Variants in AKAP9 observed in about 807,000 individuals in gnomAD.
AKAP9 encodes the protein A-kinase anchoring protein 9.
A neutral mutation model predicts 488.5 loss-of-function variants in AKAP9; 311 were observed. That is an observed-to-expected ratio of 0.64 (90% CI 0.58 to 0.70). AKAP9 has a LOEUF of 0.70. Ranked by LOEUF, AKAP9 falls within the 30% of genes least tolerant of loss-of-function variation. The probability of loss-of-function intolerance (pLI) is 0.00; values close to 1 mark genes in which losing one functional copy is unlikely to be tolerated. For synonymous variants in AKAP9, 1,462 were observed against 1,483.5 expected (o/e 0.99, Z 0.33); for missense variants, 4,215 against 4,374.5 (o/e 0.96, Z 1.03).
chr7:92,004,219 G>C (rs1235294435), intron 8 of AKAP9, among the ~76,000 whole-genome samples: 2 of 152,198 alleles, frequency 1.3e-5, no homozygotes, highest in African/African-American at 2.4e-5. Flanking sequence ...TTGTAGTATA[G>C]TTTGAAGTCA....
chr7:92,085,963 C>T (rs1166309954), intron 36 of AKAP9, among the ~76,000 whole-genome samples: 5 of 151,798 alleles, frequency 3.3e-5, no homozygotes, highest in East Asian at 1.9e-4. Flanking sequence ...ATTAGCCAGG[C>T]GTGGTGGTGG....
chr7:91,946,398 T>TA (rs1791456962), intron 1 of AKAP9, among the ~76,000 whole-genome samples: 1 of 151,416 alleles, frequency 6.6e-6, no homozygotes, highest in African/African-American at 2.4e-5. Flanking sequence ...CTTCAGGCTT[T>TA]TTTTTTTTTT....
intron 8 of AKAP9, among the ~76,000 whole-genome samples, chr7:92,010,529 G>A (rs1800585785): frequency 6.6e-6 from 1 of 152,200 alleles, no homozygotes; most frequent in Admixed American, 6.5e-5. Context: ...GTCTGAGTAC[G>A]TTATTCATCT....
chr7:92,042,176 C>A lies in AKAP9; in HGVS notation c.5048C>A (p.Thr1683Lys). 12 of 1,613,784 alleles carry A rather than the reference C, an allele frequency of 7.4e-6. No individual in the cohort carries two copies. Among genetic ancestry groups the A allele is most frequent in the Non-Finnish European group, 1.0e-5 (12 of 1,179,790 alleles). ...TGTTGTGAGCTGCGCAACAGCAGTA[C>A]GCAAACACAGGTAGTATGGACTTTG... ...KLCCELRNSS[T>K]QTQNGNENQG... The change falls in exon 19 of 50, where the codon ACG (threonine) becomes AAG (lysine). Residue 1683 changes from threonine (T) to lysine (K), a missense_variant. This residue lies in a region of AKAP9 where 2,361 missense variants were observed against 2,430.0 expected (regional missense o/e 0.97). Coordinates refer to ENST00000356239, the MANE Select transcript of AKAP9 (RefSeq NM_005751.5).
At chr7:91,983,540 G>A (rs1287820327) in intron 3 of AKAP9, among the ~76,000 whole-genome samples, 2 of 152,202 alleles carry the variant, frequency 1.3e-5, no homozygotes, top group East Asian at 1.9e-4. Flanking sequence ...ATAGTAGCAT[G>A]ATTTATAATC....
At chr7:92,041,722 A>G in intron 18 of AKAP9, 2 of 259,046 alleles carry the variant, frequency 7.7e-6, no homozygotes, top group South Asian at 9.7e-5. Flanking sequence ...TTGGGAGCTG[A>G]GCATAAAACA....
chr7:91,998,593 T>G (rs911576100), intron 7 of AKAP9, among the ~76,000 whole-genome samples: 3 of 151,948 alleles, frequency 2.0e-5, no homozygotes, highest in Non-Finnish European at 4.4e-5. Flanking sequence ...TTGGACAATT[T>G]TGAATTAAAT....
intron 7 of AKAP9, among the ~76,000 whole-genome samples, chr7:91,999,392 GT>G (rs1307700075): frequency 1.3e-5 from 2 of 151,950 alleles, no homozygotes; most frequent in Non-Finnish European, 2.9e-5. Context: ...CGCCCAGCTA[GT>G]TTTTTTATTT....
chr7:91,962,565 A>G (rs1793853096), intron 1 of AKAP9, among the ~76,000 whole-genome samples: 1 of 152,124 alleles, frequency 6.6e-6, no homozygotes, highest in Non-Finnish European at 1.5e-5. Flanking sequence ...TACTCTGAAT[A>G]TTATTTTAGG....
At position 92,084,964 on chromosome 7, in the gene AKAP9, A is replaced by T. The variant is rs767426337; in HGVS notation, c.8832+24A>T. 5 of 1,609,640 alleles carry T rather than the reference A, an allele frequency of 3.1e-6. No homozygotes were observed. The South Asian group carries it at 5.5e-5, about 18-fold the overall frequency. On this transcript the variant is annotated intron_variant, in intron 35 of 49. Transcript: ENST00000356239. Reference sequence around the variant, plus strand: ...AGGTACTAAAAGATAGATACCTTTTATTAACTCAGCCAGTGTTGTTTCTAT... The same window carrying T: ...AGGTACTAAAAGATAGATACCTTTTTTTAACTCAGCCAGTGTTGTTTCTAT...
At chr7:92,071,072 A>G (rs1811654700) in intron 28 of AKAP9, 63 bp downstream of exon 28, 1 of 1,420,362 alleles carries the variant, frequency 7.0e-7, no homozygotes, top group Non-Finnish European at 9.9e-7. Context: ...GTTACCTTGA[A>G]AATATTATTT....
rs1798181376 is a variant in AKAP9, at chr7:91,994,764, T to G, written c.720T>G (p.Ile240Met). ...ELTEQSQKLQ[I>M]QFQQLQASET... is the part of the protein sequence containing the mutation. ...CAGAACAGAGTCAAAAATTACAGAT[T>G]CAATTTCAGCAAGTAAGTATTACTA... Residue 240 changes from isoleucine to methionine, a missense_variant, in exon 6 of 50, where the codon ATT becomes ATG. Ile to Met is a conservative substitution (Grantham distance 10, BLOSUM62 1). This residue lies in a region of AKAP9 where 2,361 missense variants were observed against 2,430.0 expected (regional missense o/e 0.97). Transcript: ENST00000356239. The G allele has an allele frequency of 5.6e-6, 9 of 1,611,124 alleles. No individual in the cohort carries two copies. Among genetic ancestry groups the G allele is most frequent in the Non-Finnish European group, 6.8e-6 (8 of 1,178,810 alleles).
chr7:91,983,873 T>C (rs1483407668), intron 3 of AKAP9, among the ~76,000 whole-genome samples: 1 of 152,212 alleles, frequency 6.6e-6, no homozygotes, highest in Non-Finnish European at 1.5e-5. Context: ...TTCATTTGCA[T>C]TTCTCTGATG....
intron 38 of AKAP9, chr7:92,092,506 AG>A (rs1815798122): frequency 8.1e-6 from 1 of 123,670 alleles, no homozygotes; most frequent in Non-Finnish European, 1.7e-5. Flanking sequence ...TTCCATTTAA[AG>A]TTTTTTTTTT....
At chr7:91,961,386 C>A (rs951079501) in intron 1 of AKAP9, among the ~76,000 whole-genome samples, 1 of 150,378 alleles carries the variant, frequency 6.6e-6, no homozygotes, top group African/African-American at 2.4e-5. Flanking sequence ...CCATGTTGGT[C>A]AGGCTGGTCT....
At chr7:92,004,950 G>T (rs1188090048) in intron 8 of AKAP9, among the ~76,000 whole-genome samples, 1 of 152,154 alleles carries the variant, frequency 6.6e-6, no homozygotes, top group Admixed American at 6.5e-5. Context: ...TATTGGCTGT[G>T]GGTTTGTCAT....
Position 92,093,109 on chromosome 7 carries a change from A to G in AKAP9, c.9371A>G (p.Tyr3124Cys), listed in dbSNP as rs866501590. 2.5e-6 allele frequency: 4 copies of G among 1,613,106 alleles called. No homozygotes were observed. Among genetic ancestry groups the G allele is most frequent in the Non-Finnish European group, 3.4e-6 (4 of 1,179,412 alleles). The stretch of plus-strand genomic sequence containing the variant: ...ATGTTCTGTGTAGAACTCTTGGAAT[A>G]TAATATACAGCAGAAGCAGTCTCAA... ...SEKPSQELLE[Y>C]NIQQKQSQML... Residue 3124 changes from tyrosine (Y) to cysteine (C), a missense_variant, in exon 39 of 50, where the codon TAT (tyrosine) becomes TGT (cysteine). Physicochemically the swap from Tyr to Cys is radical, Grantham distance 194. Transcript: ENST00000356239.
intron 14 of AKAP9, among the ~76,000 whole-genome samples, chr7:92,028,847 A>G (rs1248674147): frequency 6.6e-6 from 1 of 152,174 alleles, no homozygotes; most frequent in Non-Finnish European, 1.5e-5. Context: ...GTGTGCCAAG[A>G]TATGTTTGTG....
chr7:91,967,385 A>G (rs1034164662), intron 1 of AKAP9, among the ~76,000 whole-genome samples: 1 of 152,146 alleles, frequency 6.6e-6, no homozygotes, highest in Non-Finnish European at 1.5e-5. Flanking sequence ...CTTGTTCCAG[A>G]CTTAGAGGAA....
Sources: gnomAD v4.1 joint callset for allele counts (sites outside exome capture counted in the v4.1 genomes callset) on GRCh38, gnomAD v4.1.1 for gene constraint, gnomAD v4.1.1 regional missense constraint, MANE v1.5 for transcripts, NCBI Gene and HGNC (gene_info 2026-07-23, HGNC 2026-07-21) for gene names.